Variants in GRIN3A observed in about 807,000 individuals in gnomAD.
GRIN3A encodes the protein glutamate ionotropic receptor NMDA type subunit 3A, also known as glutamate receptor ionotropic, NMDA 3A.
In GRIN3A, 47 loss-of-function variants were observed where a neutral mutation model predicts 92.4. The observed-to-expected ratio is 0.51, with a 90% CI of 0.40 to 0.65. GRIN3A has a LOEUF of 0.65. GRIN3A is among the 30% of genes least tolerant of loss of function. GRIN3A has a pLI of 0.00. For synonymous variants in GRIN3A, 527 were observed against 540.6 expected, an observed-to-expected ratio of 0.97 and a Z score of 0.35; for missense variants, 1,324 against 1,393.1, an observed-to-expected ratio of 0.95 and a Z score of 0.79.
chr9:101,606,373 CAGGT>C (rs1828281499), intron 6 of GRIN3A, among the ~76,000 whole-genome samples: 1 of 152,132 alleles, frequency 6.6e-6, no homozygotes, highest in African/African-American at 2.4e-5. Flanking sequence ...AGACCAAACT[CAGGT>C]ATTTATTCCC....
intron 6 of GRIN3A, among the ~76,000 whole-genome samples, chr9:101,595,420 T>C (rs1325698989): frequency 6.6e-6 from 1 of 152,022 alleles, no homozygotes; most frequent in African/African-American, 2.4e-5. Flanking sequence ...ACAGGCAATA[T>C]GTGCTTAATA....
intron 1 of GRIN3A, among the ~76,000 whole-genome samples, chr9:101,695,525 G>A (rs1249753111): frequency 6.6e-6 from 1 of 152,092 alleles, no homozygotes; most frequent in Non-Finnish European, 1.5e-5. Flanking sequence ...GACTAGCCCT[G>A]GTTACTAGAG....
intron 3 of GRIN3A, among the ~76,000 whole-genome samples, chr9:101,643,850 T>A (rs968040010): frequency 1.3e-5 from 2 of 151,360 alleles, no homozygotes; most frequent in Non-Finnish European, 3.0e-5. Flanking sequence ...CAAAAAAAAA[T>A]TCAAACTTGT....
At chr9:101,689,526 C>A (rs764232134) in intron 1 of GRIN3A, among the ~76,000 whole-genome samples, 2 of 152,016 alleles carry the variant, frequency 1.3e-5, no homozygotes, top group Non-Finnish European at 2.9e-5. Context: ...TCACACTCAC[C>A]CCTACAAACA....
chr9:101,580,858 C>T (rs535591105), intron 6 of GRIN3A, among the ~76,000 whole-genome samples: 1 of 152,302 alleles, frequency 6.6e-6, no homozygotes, highest in East Asian at 1.9e-4. Flanking sequence ...CTGCTATATA[C>T]CAAAACAGCA....
intron 3 of GRIN3A, among the ~76,000 whole-genome samples, chr9:101,631,682 C>T (rs902448861): frequency 6.6e-6 from 1 of 152,132 alleles, no homozygotes; most frequent in African/African-American, 2.4e-5. Flanking sequence ...GCTCCCATAT[C>T]TGTCTTATTG....
intron 4 of GRIN3A, among the ~76,000 whole-genome samples, chr9:101,625,447 C>G (rs956466055): frequency 7.9e-5 from 12 of 152,148 alleles, no homozygotes; most frequent in African/African-American, 2.9e-4. Flanking sequence ...GAAACACATC[C>G]TTACACGAAT....
intron 3 of GRIN3A, among the ~76,000 whole-genome samples, chr9:101,629,611 C>T (rs1828686327): frequency 6.6e-6 from 1 of 152,174 alleles, no homozygotes; most frequent in African/African-American, 2.4e-5. Flanking sequence ...TTGTTCCATG[C>T]ACTGAACAAA....
intron 6 of GRIN3A, among the ~76,000 whole-genome samples, chr9:101,589,425 A>G (rs1410634093): frequency 6.6e-6 from 1 of 152,216 alleles, no homozygotes; most frequent in Non-Finnish European, 1.5e-5. Flanking sequence ...CACCAAAGAT[A>G]CTGCAATGCC....
At chr9:101,583,460 AT>A (rs1827914913) in intron 6 of GRIN3A, among the ~76,000 whole-genome samples, 1 of 152,144 alleles carries the variant, frequency 6.6e-6, no homozygotes, top group African/African-American at 2.4e-5. Context: ...TGCTGTGCAT[AT>A]GTGCATCTTC....
At chr9:101,579,627 A>G (rs1348647420) in intron 6 of GRIN3A, among the ~76,000 whole-genome samples, 1 of 152,148 alleles carries the variant, frequency 6.6e-6, no homozygotes, top group African/African-American at 2.4e-5. Flanking sequence ...GACTGAACGA[A>G]CTTTCTCTTG....
chr9:101,618,666 A>T (rs1828503575), intron 5 of GRIN3A, among the ~76,000 whole-genome samples: 2 of 152,188 alleles, frequency 1.3e-5, no homozygotes, highest in East Asian at 3.8e-4. Context: ...GAATGATGGG[A>T]AAAATAGGAA....
intron 1 of GRIN3A, among the ~76,000 whole-genome samples, chr9:101,732,173 T>C (rs1394451385): frequency 6.6e-6 from 1 of 152,208 alleles, no homozygotes; most frequent in Non-Finnish European, 1.5e-5. Context: ...TTGTAAATTA[T>C]ATATCCATGA....
chr9:101,638,837 C>T (rs146849681), intron 3 of GRIN3A, among the ~76,000 whole-genome samples: 12 of 152,278 alleles, frequency 7.9e-5, no homozygotes, highest in African/African-American at 1.4e-4. Flanking sequence ...AATTGCTTGG[C>T]GTTAGACTCA....
chr9:101,737,640 C>A lies in GRIN3A; in HGVS notation c.340G>T (p.Gly114Trp), dbSNP rs369991777. Residue 114 changes from glycine (G) to tryptophan (W), a missense_variant, in exon 1 of 9, where the codon GGG becomes TGG. Gly to Trp is a radical substitution (Grantham distance 184, BLOSUM62 -2). Coordinates refer to ENST00000361820, the MANE Select transcript of GRIN3A (RefSeq NM_133445.3). ...GRGPPGSRKP[G>W]EGARAEALWP... is the part of the protein sequence containing the mutation. ...AGGGCCTCCGCCCTGGCGCCCTCCCCGGGCTTACGGGAGCCCGGCGGCCCC... is the reference window on the plus strand; with the variant it reads ...AGGGCCTCCGCCCTGGCGCCCTCCCAGGGCTTACGGGAGCCCGGCGGCCCC... 6.2e-7 allele frequency: 1 copy of A among 1,609,726 alleles called. No homozygotes were observed. Among genetic ancestry groups the A allele is most frequent in the African/African-American group, 1.3e-5 (1 of 74,868 alleles).
At chr9:101,630,873 G>A (rs530687803) in intron 3 of GRIN3A, among the ~76,000 whole-genome samples, 57 of 152,240 alleles carry the variant, frequency 3.7e-4, no homozygotes, top group African/African-American at 1.2e-3. Context: ...TACCTATCAC[G>A]ACCTTTGGCA....
At chr9:101,577,877 T>C in intron 7 of GRIN3A, 33 bp from the exon 8 acceptor site, 1 of 1,482,670 alleles carries the variant, frequency 6.7e-7, no homozygotes, top group Non-Finnish European at 9.4e-7. Context: ...AGGTAGAAAT[T>C]ATGAGAAACA....
rs1828582375 is a variant in GRIN3A at position 101,623,301 on chromosome 9, G to A, written c.2614+17C>T. ...CACATCCTGAGTAAAAGTGAATCAA[G>A]AGTGACTGATTAATACCTTCTATGG... is the stretch of plus-strand genomic sequence containing the variant. On this transcript the variant is annotated intron_variant, in intron 5 of 8. Transcript: ENST00000361820. 1 of 1,529,216 alleles carries A rather than the reference G, an allele frequency of 6.5e-7. No homozygotes were observed. The highest frequency in any genetic ancestry group is 9.1e-7 in the Non-Finnish European group (1 of 1,102,680). 94.7% of individuals were successfully genotyped at this position (1,529,216 alleles called of 1,614,324 possible). A position where few individuals can be genotyped will look rare whatever the true frequency, so the allele number is the denominator to read the frequency against.
At chr9:101,720,631 G>A (rs562476438) in intron 1 of GRIN3A, among the ~76,000 whole-genome samples, 1 of 152,244 alleles carries the variant, frequency 6.6e-6, no homozygotes, top group South Asian at 2.1e-4. Flanking sequence ...TTGTTTCAAT[G>A]GAAAAATCAA....
Sources: allele counts gnomAD v4.1 joint callset (sites outside exome capture counted in the v4.1 genomes callset), GRCh38; gene constraint gnomAD v4.1.1; transcripts MANE v1.5; gene names NCBI Gene and HGNC (gene_info 2026-07-23, HGNC 2026-07-21).